ZZEF1: variants seen among roughly 807,000 people sequenced by gnomAD.
ZZEF1 encodes zinc finger ZZ-type and EF-hand domain containing 1.
Under a neutral mutation model 342.8 loss-of-function variants are expected in ZZEF1, and 157 were observed. That is an observed-to-expected ratio of 0.46 (90% confidence interval 0.40 to 0.52). The LOEUF is 0.52. Among genes scored for constraint, ZZEF1 ranks in the 20% least tolerant of loss-of-function variants. ZZEF1 has a pLI of 0.00. For synonymous variants in ZZEF1, 1,505 were observed against 1,429.1 expected (o/e 1.05, Z -1.20); for missense variants, 3,480 against 3,725.6 (o/e 0.93, Z 1.72).
chr17:4,135,205 T>C (rs1283142186), intron 1 of ZZEF1, among the ~76,000 whole-genome samples: 1 of 152,182 alleles, frequency 6.6e-6, no homozygotes, highest in African/African-American at 2.4e-5. Context: ...GCCAGATGCG[T>C]TGGCTTACGC....
intron 39 of ZZEF1, among the ~76,000 whole-genome samples, chr17:4,038,699 G>C (rs896387043): frequency 6.6e-6 from 1 of 152,116 alleles, no homozygotes; most frequent in African/African-American, 2.4e-5. Flanking sequence ...CAGCTACTTG[G>C]GAGGCTGAGG....
intron 1 of ZZEF1, among the ~76,000 whole-genome samples, chr17:4,133,194 T>TG (rs2058697030): frequency 6.6e-6 from 1 of 152,178 alleles, no homozygotes; most frequent in Admixed American, 6.5e-5. Context: ...ACTTGGAAAC[T>TG]ATGAATCAAT....
chr17:4,104,899 T>A, intron 7 of ZZEF1, 88 bp from the exon 8 acceptor site: 1 of 1,151,320 alleles, frequency 8.7e-7, no homozygotes, highest in Non-Finnish European at 1.2e-6. Context: ...TCAACACAAG[T>A]AACATTAACC....
At position 4,034,098 on chromosome 17, in the gene ZZEF1, A is replaced by C; in HGVS notation, c.6501T>G (p.Phe2167Leu). ...IKVLSAKHNLFAAGDSSIVPD... is the reference protein window; with the variant it reads ...IKVLSAKHNLLAAGDSSIVPD... ...GCACAATGGAACTGTCCCCTGCAGCAAACAGGTTGTGTTTGGCTGAGAGGA... is the reference window on the plus strand; with the variant it reads ...GCACAATGGAACTGTCCCCTGCAGCCAACAGGTTGTGTTTGGCTGAGAGGA... The change falls in exon 40 of 55, where the codon TTT (phenylalanine) becomes TTG (leucine). Residue 2167 changes from phenylalanine (F) to leucine (L), a missense_variant. Phe to Leu is a conservative substitution (Grantham distance 22, BLOSUM62 0). Coordinates refer to ENST00000381638, the MANE Select transcript of ZZEF1 (RefSeq NM_015113.4). 1.9e-6 allele frequency: 3 copies of C among 1,614,250 alleles called. No individual in the cohort carries two copies. The highest frequency in any genetic ancestry group is 2.5e-6 in the Non-Finnish European group (3 of 1,180,056).
chr17:4,115,610 C>T (rs1385563652), intron 3 of ZZEF1, among the ~76,000 whole-genome samples: 11 of 152,208 alleles, frequency 7.2e-5, no homozygotes, highest in East Asian at 3.9e-4. Flanking sequence ...TTTCGGTGAG[C>T]CGGGATCACA....
At chr17:4,029,380 G>GA (rs35682213) in intron 42 of ZZEF1, among the ~76,000 whole-genome samples, 10,236 of 138,112 alleles carry the variant, frequency 0.074, 1,125 homozygotes, top group African/African-American at 0.25. Flanking sequence ...ACAGAGCAAA[G>GA]AAAAAAAAAA....
intron 1 of ZZEF1, among the ~76,000 whole-genome samples, chr17:4,133,154 A>ATCAT (rs762119522): frequency 3.3e-5 from 5 of 152,226 alleles, no homozygotes; most frequent in Non-Finnish European, 7.3e-5. Context: ...TAGCACAGCT[A>ATCAT]TCATTCATTC....
chr17:4,041,860 G>A (rs1337182669), intron 39 of ZZEF1, among the ~76,000 whole-genome samples: 2 of 151,916 alleles, frequency 1.3e-5, no homozygotes, highest in Non-Finnish European at 2.9e-5. Flanking sequence ...TAAATACAAC[G>A]GAATTTTTAA....
Position 4,074,926 on chromosome 17 carries a change from A to G in ZZEF1, c.3483+171T>C, listed in dbSNP as rs373204490. On this transcript the variant is annotated intron_variant, in intron 23 of 54. Coordinates refer to ENST00000381638, the MANE Select transcript of ZZEF1 (RefSeq NM_015113.4). Reference sequence around the variant, plus strand: ...TGTGTTCCAAAAAAATTTGTTTACAAAACAGGTGACAGACTATAGCTGGTC... The same window carrying G: ...TGTGTTCCAAAAAAATTTGTTTACAGAACAGGTGACAGACTATAGCTGGTC... Among the ~76,000 whole-genome samples the G allele has an allele frequency of 4.4e-4, 67 of 152,380 alleles. 1 individual carries two copies. In the South Asian group the frequency reaches 0.013, roughly 29 times the overall value.
At chr17:4,072,820 A>C (rs1041660478) in intron 24 of ZZEF1, 64 bp from the exon 25 acceptor site, 5 of 1,475,302 alleles carry the variant, frequency 3.4e-6, no homozygotes, top group African/African-American at 1.4e-5. Flanking sequence ...AATCTTTGAA[A>C]TGAGAAAGAA....
intron 37 of ZZEF1, among the ~76,000 whole-genome samples, chr17:4,045,225 A>G (rs2056889039): frequency 6.6e-6 from 1 of 152,180 alleles, no homozygotes; most frequent in South Asian, 2.1e-4. Context: ...CAGAGCCTGC[A>G]GTCCCATAAG....
At position 4,056,199 on chromosome 17, in the gene ZZEF1, T is replaced by C. The variant is rs758508751; in HGVS notation, c.5295+17A>G. 3 of 1,563,560 alleles carry C rather than the reference T, an allele frequency of 1.9e-6. No individual in the cohort carries two copies. The highest frequency in any genetic ancestry group is 2.6e-6 in the Non-Finnish European group (3 of 1,154,672). The stretch of plus-strand genomic sequence containing the variant: ...CCTAGCAAATCACTTCAGAGTACTC[T>C]AGTTGAGAGGTCTTACTTTCCTCTG... On this transcript the variant is annotated intron_variant, in intron 33 of 54. Transcript: ENST00000381638.
intron 17 of ZZEF1, among the ~76,000 whole-genome samples, chr17:4,081,879 T>C (rs370332287): frequency 6.6e-6 from 1 of 152,342 alleles, no homozygotes; most frequent in African/African-American, 2.4e-5. Context: ...GCTACTTGAT[T>C]CTGAGCACAT....
chr17:4,049,689 G>A lies in ZZEF1; in HGVS notation c.6015+19C>T. ...AGAGTTCAACCTGTGATTCTGTGTA[G>A]TAAAGAATCGTCATTTACATTGCCT... is the stretch of plus-strand genomic sequence containing the variant. On this transcript the variant is annotated intron_variant, in intron 37 of 54. Coordinates refer to ENST00000381638, the MANE Select transcript of ZZEF1 (RefSeq NM_015113.4). The A allele has an allele frequency of 6.2e-7, 1 of 1,613,802 alleles. No homozygotes were observed. Among genetic ancestry groups the A allele is most frequent in the Non-Finnish European group, 8.5e-7 (1 of 1,179,822 alleles).
Position 4,013,468 on chromosome 17 carries a change from C to T in ZZEF1, c.8560G>A (p.Val2854Met). 1.2e-6 allele frequency: 2 copies of T among 1,611,120 alleles called. No homozygotes were observed. The highest frequency in any genetic ancestry group is 1.7e-6 in the Non-Finnish European group (2 of 1,178,340). The change falls in exon 52 of 55, where the codon GTG (valine) becomes ATG (methionine). Residue 2854 changes from valine to methionine, a missense_variant. Val to Met is a conservative substitution (Grantham distance 21). Coordinates refer to ENST00000381638, the MANE Select transcript of ZZEF1 (RefSeq NM_015113.4). ...LKAIHLLLRI[V>M]RCCGHSDLCD... ...GCTTACCTGTGGCCGCAGCATCGCA[C>T]AATCCTCAGAAGTAAGTGGATGGCT...
At chr17:4,101,381 C>T (rs185422095) in intron 9 of ZZEF1, among the ~76,000 whole-genome samples, 28 of 152,178 alleles carry the variant, frequency 1.8e-4, no homozygotes, top group African/African-American at 6.5e-4. Flanking sequence ...GAACATTCCA[C>T]TTCCTCTAGT....
intron 8 of ZZEF1, among the ~76,000 whole-genome samples, chr17:4,103,655 C>T (rs1168254131): frequency 2.6e-5 from 4 of 152,172 alleles, no homozygotes; most frequent in African/African-American, 7.2e-5. Context: ...TGGTGGCTCA[C>T]GCCTGCAGTC....
intron 30 of ZZEF1, among the ~76,000 whole-genome samples, chr17:4,059,843 C>A (rs1487827528): frequency 6.6e-6 from 1 of 152,246 alleles, no homozygotes; most frequent in Non-Finnish European, 1.5e-5. Flanking sequence ...ACCTTGTTAT[C>A]ATGTGATGAC....
intron 39 of ZZEF1, among the ~76,000 whole-genome samples, chr17:4,037,262 AG>A (rs1403136966): frequency 6.6e-6 from 1 of 152,248 alleles, no homozygotes; most frequent in Non-Finnish European, 1.5e-5. Flanking sequence ...ATGGTAGAAA[AG>A]GCTAATGGAC....
Sources: gnomAD v4.1 joint callset for allele counts (sites outside exome capture counted in the v4.1 genomes callset) on GRCh38, gnomAD v4.1.1 for gene constraint, MANE v1.5 for transcripts, NCBI Gene and HGNC (gene_info 2026-07-23, HGNC 2026-07-21) for gene names.